ARIH2: variants seen among roughly 807,000 people sequenced by gnomAD.
ARIH2 encodes E3 ubiquitin-protein ligase ARIH2.
Under a neutral mutation model 79.8 loss-of-function variants are expected in ARIH2, and 12 were observed. That is an observed-to-expected ratio of 0.15 (90% CI 0.10 to 0.24). The LOEUF is 0.24. Ranked by LOEUF, ARIH2 falls within the 10% of genes least tolerant of loss-of-function variation. The pLI is 1.00. For missense variants in ARIH2, 301 were observed against 618.3 expected (o/e 0.49, Z 5.44); for synonymous variants, 224 against 213.9 (o/e 1.05, Z -0.41).
chr3:48,922,048 TTTGC>T (rs1202648746), intron 1 of ARIH2, among the ~76,000 whole-genome samples: 1 of 152,190 alleles, frequency 6.6e-6, no homozygotes, highest in African/African-American at 2.4e-5. Flanking sequence ...TCAGTTACAA[TTTGC>T]TTGGTCAACA....
chr3:48,950,374 G>A (rs1013860495), intron 3 of ARIH2, among the ~76,000 whole-genome samples: 6 of 151,908 alleles, frequency 3.9e-5, no homozygotes, highest in Non-Finnish European at 7.4e-5. Flanking sequence ...GATGTCTGTT[G>A]AGTAAAAGCT....
rs765855351 is a variant in ARIH2, at chr3:48,981,637, CCTTCT to C, written c.1258-15_1258-11del. On this transcript the variant is annotated intron_variant, in intron 13 of 15. Coordinates refer to ENST00000356401, the MANE Select transcript of ARIH2 (RefSeq NM_006321.4). ...TAGCTTAGAATCACAGACACAGGTT[CCTTCT>C]CTTCTCTCCTGTTGCAGTGTCGATA... 27 of 1,599,838 alleles carry C rather than the reference CCTTCT, an allele frequency of 1.7e-5. No individual in the cohort carries two copies. The highest frequency in any genetic ancestry group is 1.9e-5 in the Non-Finnish European group (22 of 1,169,536).
intron 7 of ARIH2, among the ~76,000 whole-genome samples, 179 bp from the exon 8 acceptor site, chr3:48,970,416 C>G (rs2092150402): frequency 6.6e-6 from 1 of 152,220 alleles, no homozygotes; most frequent in African/African-American, 2.4e-5. Flanking sequence ...GCTAAACGTT[C>G]TAAATTCCTC....
intron 1 of ARIH2, chr3:48,919,447 G>A: frequency 7.0e-6 from 2 of 284,476 alleles, no homozygotes. Flanking sequence ...GGCGCCCCTA[G>A]GGATGTGCGG....
chr3:48,971,492 C>G, intron 8 of ARIH2, among the ~76,000 whole-genome samples: 1 of 152,250 alleles, frequency 6.6e-6, no homozygotes, highest in Admixed American at 6.5e-5. Flanking sequence ...ATCTGCCCGC[C>G]TTGGGCTCCC....
At chr3:48,919,857 A>G (rs553400040) in intron 1 of ARIH2, among the ~76,000 whole-genome samples, 1 of 152,226 alleles carries the variant, frequency 6.6e-6, no homozygotes, top group Non-Finnish European at 1.5e-5. Context: ...GCTAGTGATC[A>G]TATCTGGAGT....
intron 3 of ARIH2, among the ~76,000 whole-genome samples, chr3:48,942,199 C>T (rs114970491): frequency 0.027 from 4,012 of 151,004 alleles, 72 homozygotes; most frequent in Middle Eastern, 0.042. Context: ...TAGAGGTGCC[C>T]GCCACCACGC....
In ARIH2 at chr3:48,955,332, C is replaced by CT. The variant is rs79913133; in HGVS notation, c.256-6267dup. On this transcript the variant is annotated intron_variant, in intron 3 of 15. Transcript: ENST00000356401. ...CATGTGTTCCTTCTAAGTCATTAGT[C>CT]TTTTTTTTTTTTTGGCTTACATTGG... Among the ~76,000 whole-genome samples the CT allele has an allele frequency of 4.9e-3, 690 of 142,120 alleles. 14 individuals carry two copies. In the East Asian group the frequency reaches 0.064, roughly 13 times the overall value. 93.2% of individuals were successfully genotyped at this position (142,120 alleles called of 152,430 possible). A position where few individuals can be genotyped will look rare whatever the true frequency, so the allele number is the denominator to read the frequency against.
At chr3:48,982,683 A>G in intron 14 of ARIH2, 1 of 538,526 alleles carries the variant, frequency 1.9e-6, no homozygotes, top group South Asian at 2.3e-5. Context: ...GGACCTTTTG[A>G]GGGTCGAGGG....
At chr3:48,919,105 C>T in intron 1 of ARIH2, 107 bp downstream of exon 1, 2 of 1,278,932 alleles carry the variant, frequency 1.6e-6, no homozygotes, top group South Asian at 3.1e-5. Context: ...CGCCGTCGCC[C>T]GGGAGGCCCG....
chr3:48,944,078 A>C (rs1224759698), intron 3 of ARIH2, among the ~76,000 whole-genome samples: 2 of 152,096 alleles, frequency 1.3e-5, no homozygotes, highest in East Asian at 3.8e-4. Context: ...GAGTTCTAGG[A>C]GGGGCAGTAA....
chr3:48,974,449 C>T (rs949077429), intron 9 of ARIH2, among the ~76,000 whole-genome samples: 3 of 152,192 alleles, frequency 2.0e-5, no homozygotes, highest in African/African-American at 7.2e-5. Flanking sequence ...AGCAGAAGTT[C>T]AGGCAAGCTG....
intron 3 of ARIH2, chr3:48,943,490 A>G (rs145003531): frequency 6.6e-6 from 1 of 152,126 alleles, no homozygotes; most frequent in East Asian, 1.9e-4. Flanking sequence ...CACCGGAGAC[A>G]GACAGAGAAT....
rs529409834 is a variant in ARIH2, at chr3:48,955,481, G to A, written c.256-6131G>A. On this transcript the variant is annotated intron_variant, in intron 3 of 15. Coordinates refer to ENST00000356401, the MANE Select transcript of ARIH2 (RefSeq NM_006321.4). Reference sequence around the variant, plus strand: ...TTAGCTCCTTCATTACAACAGCCCAGCAAGAGCTCTTCTTGATTCTACTGA... The same window carrying A: ...TTAGCTCCTTCATTACAACAGCCCAACAAGAGCTCTTCTTGATTCTACTGA... 5.9e-5 allele frequency among the ~76,000 whole-genome samples: 9 copies of A among 152,214 alleles called. No individual in the cohort carries two copies. The East Asian group carries it at 1.7e-3, about 29-fold the overall frequency.
At chr3:48,939,771 AAAAAAC>A (rs1559749782) in intron 3 of ARIH2, among the ~76,000 whole-genome samples, 28 of 143,926 alleles carry the variant, frequency 1.9e-4, no homozygotes, top group Admixed American at 4.7e-4. Flanking sequence ...AAAAAAAAAA[AAAAAAC>A]AAAAACAAAA....
Position 48,927,519 on chromosome 3 carries a change from G to T in ARIH2, c.-40G>T. On this transcript the variant is annotated 5_prime_UTR_variant, in exon 3 of 16. Transcript: ENST00000356401. ...GTAGTTTTGGGGGGAGGGGGAAAAA[G>T]CAACTGCTTTCCTGATCTGCAACTT... is the stretch of plus-strand genomic sequence containing the variant. 6.3e-7 allele frequency: 1 copy of T among 1,594,644 alleles called. No homozygotes were observed. Among genetic ancestry groups the T allele is most frequent in the African/African-American group, 1.4e-5 (1 of 73,866 alleles).
chr3:48,936,466 G>C (rs2087133478), intron 3 of ARIH2, among the ~76,000 whole-genome samples: 1 of 152,168 alleles, frequency 6.6e-6, no homozygotes, highest in Non-Finnish European at 1.5e-5. Context: ...AGGCACAGTG[G>C]CTCATGCCTG....
At chr3:48,955,986 C>A (rs1327109920) in intron 3 of ARIH2, among the ~76,000 whole-genome samples, 1 of 152,132 alleles carries the variant, frequency 6.6e-6, no homozygotes, top group Non-Finnish European at 1.5e-5. Flanking sequence ...TCCTGTAGAT[C>A]CTTCCTGGTG....
At chr3:48,976,653 A>G (rs962859109) in intron 11 of ARIH2, among the ~76,000 whole-genome samples, 1 of 152,140 alleles carries the variant, frequency 6.6e-6, no homozygotes, top group Non-Finnish European at 1.5e-5. Flanking sequence ...TTCTTTGTAT[A>G]TATCAGAGAG....
Sources: gnomAD v4.1 joint callset for allele counts (sites outside exome capture counted in the v4.1 genomes callset) on GRCh38, gnomAD v4.1.1 for gene constraint, MANE v1.5 for transcripts, NCBI Gene and HGNC (gene_info 2026-07-23, HGNC 2026-07-21) for gene names.